Variants in CCL17 observed in about 807,000 individuals in gnomAD.
The protein encoded by CCL17 is C-C motif chemokine 17.
CCL17 carries 8 observed loss-of-function variants against 7.4 expected under a neutral mutation model. The ratio of observed to expected loss-of-function variants is 1.09; its 90% confidence interval spans 0.64 to 1.96. CCL17 has a LOEUF of 1.96. Among genes scored for constraint, CCL17 ranks in the 30% most tolerant of loss-of-function variants. The pLI is 0.00. For missense variants in CCL17, 102 were observed against 113.0 expected, an observed-to-expected ratio of 0.90 and a Z score of 0.44; for synonymous variants, 40 against 46.1, an observed-to-expected ratio of 0.87 and a Z score of 0.54.
rs1029004162 is a variant in CCL17, at chr16:57,416,008, C to T, written c.*147C>T. Reference sequence around the variant, plus strand: ...GCCACAGTGAGGGAGATCCCATCCCCTTGTCTGAACTGGAGCCATGGGCAC... The same window carrying T: ...GCCACAGTGAGGGAGATCCCATCCCTTTGTCTGAACTGGAGCCATGGGCAC... On this transcript the variant is annotated 3_prime_UTR_variant, in exon 4 of 4. Coordinates refer to ENST00000219244, the MANE Select transcript of CCL17 (RefSeq NM_002987.3). The T allele has an allele frequency of 1.6e-6, 1 of 609,770 alleles. No homozygotes were observed. Among genetic ancestry groups the T allele is most frequent in the South Asian group, 1.9e-5 (1 of 51,850 alleles). The allele number at this position is 609,770 out of a possible 1,614,324, so 37.8% of individuals were successfully genotyped here.
Position 57,415,218 on chromosome 16 carries a change from C to A in CCL17, c.188+20C>A. 1 of 1,496,370 alleles carries A rather than the reference C, an allele frequency of 6.7e-7. No homozygotes were observed. The highest frequency in any genetic ancestry group is 9.3e-7 in the Non-Finnish European group (1 of 1,072,806). 92.7% of individuals were successfully genotyped at this position (1,496,370 alleles called of 1,614,324 possible). ...CATCGTGTAAGTCCCCCTGGCTCCA[C>A]CCCTGCTCCTCAGGGCCAAGCATGG... On this transcript the variant is annotated intron_variant, in intron 3 of 3. Coordinates refer to ENST00000219244, the MANE Select transcript of CCL17 (RefSeq NM_002987.3). This position sits in a 1 kb window ranked among gnomAD's most constrained non-coding sequence, Gnocchi z 4.5.
chr16:57,405,516 C>T (rs1245538587), intron 1 of CCL17, among the ~76,000 whole-genome samples: 3 of 152,142 alleles, frequency 2.0e-5, no homozygotes, highest in African/African-American at 7.2e-5. Context: ...AGAGGGAACT[C>T]GGTTTTGCCC....
At position 57,410,732 on chromosome 16, in the gene CCL17, G is replaced by A. The variant is rs1206788178; in HGVS notation, c.-59-3142G>A. ...ATAAACTCGGTTAATCCCTGGAGAG[G>A]AAACCACCTCAAAAATGTCCCTGGT... On this transcript the variant is annotated intron_variant, in intron 1 of 3. Transcript: ENST00000219244. Among the ~76,000 whole-genome samples the A allele has an allele frequency of 9.2e-5, 14 of 152,310 alleles. No individual in the cohort carries two copies. In the East Asian group the frequency reaches 2.5e-3, roughly 27 times the overall value.
upstream of CCL17, among the ~76,000 whole-genome samples, chr16:57,403,733 T>C (rs1209971465): frequency 1.5e-5 from 2 of 135,278 alleles, no homozygotes; most frequent in Non-Finnish European, 3.1e-5. Context: ...CTTGGCTCAC[T>C]GCAACCTCTG....
At chr16:57,398,127 C>T in the CCL17 span, among the ~76,000 whole-genome samples, 1 of 152,190 alleles carries the variant, frequency 6.6e-6, no homozygotes, top group Admixed American at 6.5e-5. Flanking sequence ...AGATGGTTGT[C>T]TGATAGCCAT....
At chr16:57,407,611 A>G (rs1369760212) in intron 1 of CCL17, among the ~76,000 whole-genome samples, 1 of 151,742 alleles carries the variant, frequency 6.6e-6, no homozygotes, top group Non-Finnish European at 1.5e-5. Flanking sequence ...CATCCATCCA[A>G]CCACACATCC....
At chr16:57,411,651 G>A (rs1902786470) in intron 1 of CCL17, among the ~76,000 whole-genome samples, 1 of 152,356 alleles carries the variant, frequency 6.6e-6, no homozygotes, top group South Asian at 2.1e-4. Flanking sequence ...AAGAGGGCAG[G>A]CAGAAGCCAC....
chr16:57,403,520 ATATATGTT>A (rs1902640802), upstream of CCL17, among the ~76,000 whole-genome samples: 4 of 30,658 alleles, frequency 1.3e-4, 1 homozygote, highest in African/African-American at 7.9e-4. Context: ...ATTATATTAT[ATATATGTT>A]ATATATATTA....
upstream of CCL17, among the ~76,000 whole-genome samples, chr16:57,401,207 G>C (rs1270739749): frequency 6.6e-6 from 1 of 152,064 alleles, no homozygotes; most frequent in Non-Finnish European, 1.5e-5. Context: ...ACAAGATGAT[G>C]GTGTCGATAT....
At chr16:57,406,935 G>A (rs745521723) in intron 1 of CCL17, among the ~76,000 whole-genome samples, 8 of 152,190 alleles carry the variant, frequency 5.3e-5, no homozygotes, top group South Asian at 2.1e-4. Flanking sequence ...GGTTCAGGGA[G>A]TGGCTGGAGG....
rs1332270218 is a variant in CCL17 at position 57,413,912 on chromosome 16, C to G, written c.-21C>G. 6.3e-7 allele frequency: 1 copy of G among 1,595,372 alleles called. No individual in the cohort carries two copies. The highest frequency in any genetic ancestry group is 2.3e-5 in the East Asian group (1 of 44,166). The stretch of plus-strand genomic sequence containing the variant: ...GCAGAGGGACCTGCACACAGAGACT[C>G]CCTCCTGGGCTCCTGGCACCATGGC... On this transcript the variant is annotated 5_prime_UTR_variant, in exon 2 of 4. Transcript: ENST00000219244.
intron 1 of CCL17, among the ~76,000 whole-genome samples, chr16:57,408,408 A>T (rs1013404776): frequency 6.9e-6 from 1 of 145,212 alleles, no homozygotes. Flanking sequence ...TTATACATTC[A>T]GTAAACATAT....
chr16:57,407,928 TATTTA>T (rs1218397067), intron 1 of CCL17, among the ~76,000 whole-genome samples: 1 of 150,750 alleles, frequency 6.6e-6, no homozygotes, highest in African/African-American at 2.5e-5. Context: ...TCCATCTATC[TATTTA>T]TTCTCTCACC....
intron 1 of CCL17, among the ~76,000 whole-genome samples, chr16:57,409,329 CG>C (rs1567562953): frequency 6.6e-6 from 1 of 152,098 alleles, no homozygotes; most frequent in Non-Finnish European, 1.5e-5. Flanking sequence ...AGTAAAGGCC[CG>C]GCATTTTCAA....
Position 57,413,913 on chromosome 16 carries a change from CCTCCTGGG to C in CCL17, c.-12_-5del. ...CAGAGGGACCTGCACACAGAGACTC[CCTCCTGGG>C]CTCCTGGCACCATGGCCCCACTGAA... is the stretch of plus-strand genomic sequence containing the variant. On this transcript the variant is annotated 5_prime_UTR_variant, in exon 2 of 4. Transcript: ENST00000219244. 1 of 1,596,396 alleles carries C rather than the reference CCTCCTGGG, an allele frequency of 6.3e-7. No homozygotes were observed. Among genetic ancestry groups the C allele is most frequent in the Non-Finnish European group, 8.5e-7 (1 of 1,171,280 alleles).
chr16:57,415,683 G>C lies in CCL17; in HGVS notation c.189-82G>C. 1.2e-6 allele frequency: 1 copy of C among 864,912 alleles called. No individual in the cohort carries two copies. The highest frequency in any genetic ancestry group is 2.0e-6 in the Non-Finnish European group (1 of 507,746). 53.6% of individuals were successfully genotyped at this position (864,912 alleles called of 1,614,324 possible). Reference sequence around the variant, plus strand: ...CCCCTCTTGGAGCCTTGGAATCCTGGTCAGCACAGGGCGGGCCGTCCCAGG... The same window carrying C: ...CCCCTCTTGGAGCCTTGGAATCCTGCTCAGCACAGGGCGGGCCGTCCCAGG... On this transcript the variant is annotated intron_variant, in intron 3 of 3. Transcript: ENST00000219244. This position sits in a 1 kb window ranked among gnomAD's most constrained non-coding sequence, Gnocchi z 4.5.
intron 1 of CCL17, among the ~76,000 whole-genome samples, chr16:57,405,133 G>A (rs1297242830): frequency 2.6e-5 from 4 of 152,288 alleles, no homozygotes; most frequent in Admixed American, 6.5e-5. Context: ...ACTGGATGGG[G>A]AAGGAAGCAG....
the CCL17 span, among the ~76,000 whole-genome samples, chr16:57,397,712 G>T: frequency 1.3e-5 from 2 of 152,228 alleles, no homozygotes; most frequent in African/African-American, 4.8e-5. Context: ...GCATGGGCAT[G>T]TAGGATTAGA....
chr16:57,398,970 G>A, the CCL17 span, among the ~76,000 whole-genome samples: 6 of 152,216 alleles, frequency 3.9e-5, no homozygotes, highest in South Asian at 8.3e-4. Context: ...ATCCTCAAAG[G>A]CAAAGAGAAA....
Sources: allele counts gnomAD v4.1 joint callset (sites outside exome capture counted in the v4.1 genomes callset), GRCh38; gene constraint gnomAD v4.1.1; non-coding constraint Gnocchi (gnomAD v3.1); transcripts MANE v1.5; gene names NCBI Gene and HGNC (gene_info 2026-07-23, HGNC 2026-07-21).